Variants in CNOT10 observed in about 807,000 individuals in gnomAD.
CNOT10 encodes CCR4-NOT transcription complex, subunit 10.
A neutral mutation model predicts 94.6 loss-of-function variants in CNOT10; 30 were observed. That is an observed-to-expected ratio of 0.32 (90% CI 0.24 to 0.43). The LOEUF is 0.43. CNOT10 is among the 20% of genes least tolerant of loss of function. The probability of loss-of-function intolerance (pLI) is 1.00; values close to 1 mark genes in which losing one functional copy is unlikely to be tolerated. For missense variants in CNOT10, 759 were observed against 877.2 expected (o/e 0.87, Z 1.70); for synonymous variants, 289 against 301.6 (o/e 0.96, Z 0.43).
intron 18 of CNOT10, among the ~76,000 whole-genome samples, chr3:32,771,726 C>G (rs887109034): frequency 6.6e-6 from 1 of 152,076 alleles, no homozygotes; most frequent in Non-Finnish European, 1.5e-5. Context: ...AGCTTATCTC[C>G]TTTTATCTGA....
At chr3:32,756,713 T>C (rs773962245) in intron 13 of CNOT10, among the ~76,000 whole-genome samples, 3 of 152,234 alleles carry the variant, frequency 2.0e-5, no homozygotes, top group Non-Finnish European at 2.9e-5. Context: ...ACCTACTGCC[T>C]ATGTGAGATA....
intron 13 of CNOT10, among the ~76,000 whole-genome samples, chr3:32,743,952 T>C (rs1022816826): frequency 5.3e-5 from 8 of 152,152 alleles, no homozygotes; most frequent in Non-Finnish European, 8.8e-5. Context: ...ATATATATTT[T>C]TTTCTTCTGG....
At chr3:32,754,489 A>AAAAAATATATATAT (rs77878221) in intron 13 of CNOT10, among the ~76,000 whole-genome samples, 2 of 70,218 alleles carry the variant, frequency 2.8e-5, no homozygotes, top group East Asian at 6.2e-4. Flanking sequence ...AAAAAAAAAA[A>AAAAAATATATATAT]ATACATATAT....
chr3:32,742,927 G>A (rs1699535060), intron 13 of CNOT10, among the ~76,000 whole-genome samples: 1 of 151,028 alleles, frequency 6.6e-6, no homozygotes, highest in African/African-American at 2.4e-5. Context: ...GAAGACATTT[G>A]AAACAGTTTT....
intron 13 of CNOT10, among the ~76,000 whole-genome samples, chr3:32,743,074 C>T (rs971286456): frequency 4.6e-5 from 7 of 151,504 alleles, no homozygotes; most frequent in Non-Finnish European, 1.0e-4. Context: ...CAACATCCGC[C>T]TCCTGAGTTC....
At chr3:32,704,561 A>G (rs534426690) in intron 2 of CNOT10, among the ~76,000 whole-genome samples, 18 of 152,230 alleles carry the variant, frequency 1.2e-4, no homozygotes, top group African/African-American at 4.1e-4. Flanking sequence ...ATATGCCAGT[A>G]TATTTATCAT....
intron 1 of CNOT10, among the ~76,000 whole-genome samples, chr3:32,693,066 A>G (rs1372452253): frequency 6.6e-6 from 1 of 152,158 alleles, no homozygotes; most frequent in Non-Finnish European, 1.5e-5. Flanking sequence ...AAAAAAGAAT[A>G]GCTTTCCCAT....
chr3:32,701,174 C>A (rs1697326677), intron 1 of CNOT10, among the ~76,000 whole-genome samples: 1 of 152,058 alleles, frequency 6.6e-6, no homozygotes, highest in African/African-American at 2.4e-5. Context: ...ACTTGGGAGG[C>A]TGAGCCAAGA....
chr3:32,765,021 T>G (rs1471817517), intron 17 of CNOT10: 3 of 1,477,448 alleles, frequency 2.0e-6, no homozygotes, highest in Non-Finnish European at 2.7e-6. Flanking sequence ...CTTGATGATT[T>G]TATTTTAAAA....
chr3:32,769,495 T>C (rs1469011456), intron 17 of CNOT10: 1 of 193,772 alleles, frequency 5.2e-6, no homozygotes, highest in African/African-American at 2.3e-5. Flanking sequence ...TCTGTATTAC[T>C]ATAAGTTTGA....
intron 12 of CNOT10, among the ~76,000 whole-genome samples, chr3:32,735,344 C>CAAAAAAAAAAAAAAAAAAA (rs1267480500): frequency 6.6e-6 from 1 of 151,004 alleles, no homozygotes; most frequent in African/African-American, 2.4e-5. Flanking sequence ...GACTTCATCT[C>CAAAAAAAAAAAAAAAAAAA]AAAAAAGAAA....
In CNOT10 at chr3:32,703,877, C is replaced by G. The variant is rs148956635; in HGVS notation, c.32C>G (p.Ala11Gly). The G allele has an allele frequency of 2.9e-5, 46 of 1,611,948 alleles. No individual in the cohort carries two copies. The African/African-American group carries it at 5.1e-4, about 18-fold the overall frequency. The change falls in exon 2 of 19, where the codon GCA (alanine) becomes GGA (glycine). Residue 11 changes from alanine (A) to glycine (G), a missense_variant. Ala to Gly is a moderately conservative substitution (Grantham distance 60). Transcript: ENST00000328834. ...ATTTGTGTGTTTGCAGATCAGGGAGCAGAGAAACATGAAGGCACAGGTCAG... is the reference window on the plus strand; with the variant it reads ...ATTTGTGTGTTTGCAGATCAGGGAGGAGAGAAACATGAAGGCACAGGTCAG... The part of the protein sequence containing the change: MAADKPADQG[A>G]EKHEGTGQSS...
chr3:32,743,789 A>G (rs546571678), intron 13 of CNOT10, among the ~76,000 whole-genome samples: 1 of 152,308 alleles, frequency 6.6e-6, no homozygotes, highest in Admixed American at 6.5e-5. Context: ...TCGTGGGTAC[A>G]GCTGTTTGCT....
intron 13 of CNOT10, among the ~76,000 whole-genome samples, chr3:32,741,768 CAA>C (rs529423159): frequency 3.5e-5 from 3 of 86,544 alleles, no homozygotes; most frequent in East Asian, 3.9e-4. Context: ...GACTCCGTCT[CAA>C]AAAAAAAAAA....
intron 12 of CNOT10, among the ~76,000 whole-genome samples, chr3:32,735,712 A>ATTTATT (rs2125582517): frequency 6.6e-6 from 1 of 152,324 alleles, no homozygotes; most frequent in Admixed American, 6.5e-5. Flanking sequence ...TCCATCTCAA[A>ATTTATT]AAAACAGAAA....
rs1697304649 is a variant in CNOT10 at position 32,700,761 on chromosome 3, A to G, written c.23-3107A>G. On this transcript the variant is annotated intron_variant, in intron 1 of 18. Coordinates refer to ENST00000328834, the MANE Select transcript of CNOT10 (RefSeq NM_015442.3). ...AGACTTTGAAATTCTTTAAAGTCAT[A>G]CACAGTGACATTGCCATCACCTACC... Among the ~76,000 whole-genome samples the G allele has an allele frequency of 5.3e-5, 8 of 152,206 alleles. No homozygotes were observed. The South Asian group carries it at 1.7e-3, about 32-fold the overall frequency.
At chr3:32,708,205 A>G (rs1241409655) in intron 3 of CNOT10, among the ~76,000 whole-genome samples, 1 of 152,098 alleles carries the variant, frequency 6.6e-6, no homozygotes, top group Non-Finnish European at 1.5e-5. Flanking sequence ...GCCAGCTATT[A>G]TTAATGTTTA....
chr3:32,719,183 A>C (rs1698260092), intron 7 of CNOT10, among the ~76,000 whole-genome samples: 1 of 152,200 alleles, frequency 6.6e-6, no homozygotes, highest in Admixed American at 6.5e-5. Context: ...CGGGAGGCGG[A>C]GGTTGCAGTG....
At chr3:32,706,275 C>CA (rs1697619205) in intron 3 of CNOT10, among the ~76,000 whole-genome samples, 1 of 152,162 alleles carries the variant, frequency 6.6e-6, no homozygotes, top group Non-Finnish European at 1.5e-5. Flanking sequence ...ACCCCATAGA[C>CA]AGTTTCTTCC....
Sources: allele counts gnomAD v4.1 joint callset (sites outside exome capture counted in the v4.1 genomes callset), GRCh38; gene constraint gnomAD v4.1.1; transcripts MANE v1.5; gene names NCBI Gene and HGNC (gene_info 2026-07-23, HGNC 2026-07-21).